NRXN3: variants seen among roughly 807,000 people sequenced by gnomAD.
The protein encoded by NRXN3 is neurexin 3.
In NRXN3, 32 loss-of-function variants were observed where a neutral mutation model predicts 137.6. That is an observed-to-expected ratio of 0.23 (90% confidence interval 0.18 to 0.31). The LOEUF is 0.31. Ranked by LOEUF, NRXN3 falls within the 10% of genes least tolerant of loss-of-function variation. NRXN3 has a pLI of 1.00. For synonymous variants in NRXN3, 798 were observed against 784.5 expected, an observed-to-expected ratio of 1.02 and a Z score of -0.29; for missense variants, 1,574 against 2,062.5, an observed-to-expected ratio of 0.76 and a Z score of 4.59.
chr14:79,654,732 A>AT (rs563496475), intron 16 of NRXN3, among the ~76,000 whole-genome samples: 11 of 152,114 alleles, frequency 7.2e-5, no homozygotes, highest in Non-Finnish European at 1.6e-4. Context: ...GTGTATATTA[A>AT]TTTTTTTTCA....
intron 15 of NRXN3, among the ~76,000 whole-genome samples, chr14:79,284,214 G>GAA (rs2081793557): frequency 1.3e-5 from 2 of 149,608 alleles, no homozygotes; most frequent in Non-Finnish European, 3.0e-5. Context: ...GAAATCCAAT[G>GAA]TGTCTGGGCA....
At chr14:78,171,547 T>C (rs1449614854) in intron 1 of NRXN3, among the ~76,000 whole-genome samples, 2 of 152,058 alleles carry the variant, frequency 1.3e-5, no homozygotes, top group Non-Finnish European at 2.9e-5. Context: ...CCAGGCATTG[T>C]GCTGTACCCA....
At chr14:79,470,935 AGAGAAAGAGAGAGAGAGTGTGTGT>A in intron 16 of NRXN3, among the ~76,000 whole-genome samples, 1 of 89,006 alleles carries the variant, frequency 1.1e-5, no homozygotes, top group East Asian at 3.2e-4. Flanking sequence ...AGAGAGAGAG[AGAGAAAGAGAGAGAGAGTGTGTGT>A]GTGTGTGTGT....
At chr14:78,429,231 CAT>C (rs543834409) in intron 4 of NRXN3, among the ~76,000 whole-genome samples, 1 of 119,780 alleles carries the variant, frequency 8.3e-6, no homozygotes. Context: ...TGTGTGCAAA[CAT>C]ATATATATAT....
intron 8 of NRXN3, among the ~76,000 whole-genome samples, chr14:78,760,462 C>T (rs1366105311): frequency 6.8e-6 from 1 of 146,650 alleles, no homozygotes; most frequent in Non-Finnish European, 1.5e-5. Context: ...ATAAAAATAC[C>T]CTCTTTCTTT....
intron 16 of NRXN3, among the ~76,000 whole-genome samples, chr14:79,577,125 C>G (rs1389206667): frequency 6.6e-6 from 1 of 152,120 alleles, no homozygotes; most frequent in Non-Finnish European, 1.5e-5. Flanking sequence ...AGCTATCTTG[C>G]CTGCTGCCAT....
chr14:78,620,123 C>T (rs962171146), intron 4 of NRXN3, among the ~76,000 whole-genome samples: 2 of 152,216 alleles, frequency 1.3e-5, no homozygotes, highest in South Asian at 4.1e-4. Context: ...ATTTTACAGG[C>T]ATAAAGTTAC....
chr14:78,535,285 G>T (rs1367873828), intron 4 of NRXN3, among the ~76,000 whole-genome samples: 4 of 152,140 alleles, frequency 2.6e-5, no homozygotes, highest in Non-Finnish European at 5.9e-5. Context: ...GGAGGGGAAA[G>T]GAAGAAGTCT....
intron 16 of NRXN3, among the ~76,000 whole-genome samples, chr14:79,649,426 T>C (rs1175725194): frequency 1.3e-5 from 2 of 152,158 alleles, no homozygotes; most frequent in African/African-American, 2.4e-5. Context: ...TATTTATATT[T>C]ATTTTGACTC....
intron 6 of NRXN3, among the ~76,000 whole-genome samples, chr14:78,668,120 A>T (rs536486817): frequency 1.3e-5 from 2 of 152,252 alleles, no homozygotes; most frequent in African/African-American, 4.8e-5. Context: ...TTCTTCATAG[A>T]TATTAATGTA....
chr14:78,253,364 C>G (rs2153464183), intron 2 of NRXN3, among the ~76,000 whole-genome samples: 1 of 152,194 alleles, frequency 6.6e-6, no homozygotes, highest in Non-Finnish European at 1.5e-5. Context: ...GTACTGGAAA[C>G]CAAGGTACAT....
chr14:78,442,850 A>C, intron 4 of NRXN3, among the ~76,000 whole-genome samples: 1 of 152,250 alleles, frequency 6.6e-6, no homozygotes, highest in African/African-American at 2.4e-5. Context: ...ATATATTTAT[A>C]ATACCAATAA....
intron 15 of NRXN3, among the ~76,000 whole-genome samples, chr14:79,362,522 A>G (rs2093721599): frequency 6.6e-6 from 1 of 152,200 alleles, no homozygotes; most frequent in South Asian, 2.1e-4. Flanking sequence ...TCTGCAGGAA[A>G]AAAACTGATT....
intron 15 of NRXN3, among the ~76,000 whole-genome samples, chr14:79,282,674 G>A (rs1346497857): frequency 6.6e-6 from 1 of 152,148 alleles, no homozygotes; most frequent in Non-Finnish European, 1.5e-5. Flanking sequence ...TGGAAAATAA[G>A]AAGAAAGTAA....
At chr14:79,325,411 A>G (rs192617968) in intron 15 of NRXN3, among the ~76,000 whole-genome samples, 1 of 152,292 alleles carries the variant, frequency 6.6e-6, no homozygotes, top group Admixed American at 6.5e-5. Flanking sequence ...TGGAGGACTG[A>G]CATTAATGCT....
intron 16 of NRXN3, among the ~76,000 whole-genome samples, chr14:79,572,652 G>T (rs1304708343): frequency 6.6e-6 from 1 of 152,092 alleles, no homozygotes; most frequent in Non-Finnish European, 1.5e-5. Flanking sequence ...TATTTTCTTT[G>T]TACTAGGCTC....
At chr14:79,683,629 G>C (rs2098681542) in intron 17 of NRXN3, among the ~76,000 whole-genome samples, 1 of 152,140 alleles carries the variant, frequency 6.6e-6, no homozygotes, top group African/African-American at 2.4e-5. Context: ...CAGCTTAGTT[G>C]AGTGATTCTG....
chr14:79,471,633 T>A (rs2096509097), intron 16 of NRXN3, among the ~76,000 whole-genome samples: 1 of 152,150 alleles, frequency 6.6e-6, no homozygotes, highest in Admixed American at 6.6e-5. Context: ...TGTGACAGAA[T>A]TTAAGTTTTG....
intron 14 of NRXN3, among the ~76,000 whole-genome samples, chr14:78,986,978 G>A (rs926994103): frequency 7.2e-6 from 1 of 138,276 alleles, no homozygotes; most frequent in Non-Finnish European, 1.5e-5. Context: ...AGCCAAGATC[G>A]TGCCACTGCA....
Sources: allele counts gnomAD v4.1 joint callset (sites outside exome capture counted in the v4.1 genomes callset), GRCh38; gene constraint gnomAD v4.1.1; transcripts MANE v1.5; gene names NCBI Gene and HGNC (gene_info 2026-07-23, HGNC 2026-07-21).